Variants in ACP6 observed in about 807,000 individuals in gnomAD.
ACP6 encodes lysophosphatidic acid phosphatase type 6.
ACP6 carries 48 observed loss-of-function variants against 48.1 expected under a neutral mutation model. That is an observed-to-expected ratio of 1.00 (90% CI 0.79 to 1.27). The LOEUF (loss-of-function observed/expected upper bound fraction) is 1.27, where lower values mean the gene tolerates loss of function less well. ACP6 is among the 50% of genes most tolerant of loss of function. The pLI is 0.00. For missense variants in ACP6, 485 were observed against 529.1 expected, an observed-to-expected ratio of 0.92 and a Z score of 0.82; for synonymous variants, 172 against 204.2, an observed-to-expected ratio of 0.84 and a Z score of 1.34.
chr1:147,648,212 T>C (rs782212974), intron 9 of ACP6, 34 bp downstream of exon 9: 1 of 1,610,330 alleles, frequency 6.2e-7, no homozygotes, highest in South Asian at 1.1e-5. Flanking sequence ...GGAGGGTGCC[T>C]CACCACCACC....
chr1:147,647,494 T>C lies in ACP6; in HGVS notation c.1216A>G (p.Thr406Ala). The C allele has an allele frequency of 6.2e-7, 1 of 1,614,140 alleles. No individual in the cohort carries two copies. Among genetic ancestry groups the C allele is most frequent in the Non-Finnish European group, 8.5e-7 (1 of 1,180,016 alleles). ...GCGTGGTATTTTTCTGGGCTTAAGG[T>C]ATAAACTGACATGGCATTCAAGAAC... ...DMFLNAMSVY[T>A]LSPEKYHALC... The change falls in exon 10 of 10, where the codon ACC becomes GCC. Residue 406 changes from threonine (T) to alanine (A), a missense_variant. Physicochemically the swap from Thr to Ala is moderately conservative, Grantham distance 58. Coordinates refer to ENST00000583509, the MANE Select transcript of ACP6 (RefSeq NM_016361.5).
chr1:147,647,900 GC>G, intron 9 of ACP6: 1 of 489,200 alleles, frequency 2.0e-6, no homozygotes, highest in Non-Finnish European at 3.7e-6. Context: ...GGTGCTAACA[GC>G]AGCACACATC....
At chr1:147,657,701 G>A (rs923404035) in intron 4 of ACP6, among the ~76,000 whole-genome samples, 23 of 152,116 alleles carry the variant, frequency 1.5e-4, no homozygotes, top group Non-Finnish European at 8.8e-5. Context: ...TTACAAGCGT[G>A]AACTACTGTG....
At position 147,658,988 on chromosome 1, in the gene ACP6, C is replaced by T. The variant is rs11800736; in HGVS notation, c.531G>A (p.Leu177=). 72,194 of 1,611,320 alleles carry T rather than the reference C, an allele frequency of 0.045. 1,928 individuals carry two copies. The highest frequency in any genetic ancestry group is 0.054 in the Non-Finnish European group (63,740 of 1,178,132). ...CTTTCTGACACTGGAAAAGCCCAGCCAGCAAACAACGGGTGGACTCCAGAT... is the reference window on the plus strand; with the variant it reads ...CTTTCTGACACTGGAAAAGCCCAGCTAGCAAACAACGGGTGGACTCCAGAT... The part of the protein sequence containing the change: ...FRNLESTRCL[L]AGLFQCQKEG... Residue 177 remains leucine, a synonymous_variant, in exon 4 of 10, where the codon CTG becomes CTA. Transcript: ENST00000583509.
intron 6 of ACP6, 43 bp downstream of exon 6, chr1:147,654,151 C>A: frequency 6.2e-7 from 1 of 1,600,992 alleles, no homozygotes; most frequent in Non-Finnish European, 8.5e-7. Flanking sequence ...CGGAGCCAGC[C>A]CACCAAGGCT....
chr1:147,656,380 A>G (rs1570965710), intron 4 of ACP6, among the ~76,000 whole-genome samples: 6 of 152,310 alleles, frequency 3.9e-5, no homozygotes, highest in Admixed American at 3.9e-4. Flanking sequence ...TGATGGCTGC[A>G]AGGTGGAGAT....
At chr1:147,658,872 A>C in intron 4 of ACP6, 88 bp downstream of exon 4, 1 of 1,289,482 alleles carries the variant, frequency 7.8e-7, no homozygotes, top group South Asian at 1.4e-5. Flanking sequence ...AAGTCAAGGG[A>C]ACAGGCACCA....
chr1:147,669,040 C>T (rs76047369), intron 1 of ACP6, among the ~76,000 whole-genome samples: 3,509 of 152,270 alleles, frequency 0.023, 74 homozygotes, highest in African/African-American at 0.054. Context: ...GTTGCCTGTT[C>T]CTCTTCACTA....
At chr1:147,632,493 G>A (rs920789252) in intron 5 of ACP6, among the ~76,000 whole-genome samples, 9 of 152,032 alleles carry the variant, frequency 5.9e-5, no homozygotes, top group Non-Finnish European at 1.2e-4. Context: ...GGGGGTGGAG[G>A]ACACACAGAG....
intron 5 of ACP6, among the ~76,000 whole-genome samples, chr1:147,635,789 G>A (rs1659283387): frequency 1.3e-5 from 2 of 152,244 alleles, no homozygotes; most frequent in South Asian, 4.1e-4. Context: ...CAAGAACTCA[G>A]TCATGAGGGA....
In ACP6 at chr1:147,648,342, G is replaced by A. The variant is rs376211817; in HGVS notation, c.1047C>T (p.Asp349=). 5.2e-5 allele frequency: 84 copies of A among 1,614,002 alleles called. No individual in the cohort carries two copies. The highest frequency in any genetic ancestry group is 7.7e-5 in the South Asian group (7 of 91,088). The change falls in exon 9 of 10, where the codon GAC becomes GAT. Residue 349 remains aspartate, a synonymous_variant. Coordinates refer to ENST00000583509, the MANE Select transcript of ACP6 (RefSeq NM_016361.5). ...IPLLMTLGIF[D]HKWPPFAVDL... The stretch of plus-strand genomic sequence containing the variant: ...CAACAGCAAACGGTGGCCATTTGTG[G>A]TCAAAAATCCCCAGGGTCATTAAGA...
chr1:147,662,977 C>T (rs1391668563), intron 1 of ACP6, among the ~76,000 whole-genome samples: 1 of 152,194 alleles, frequency 6.6e-6, no homozygotes, highest in East Asian at 1.9e-4. Flanking sequence ...GCAAGACCCT[C>T]CACTGGCAAA....
In ACP6 at chr1:147,647,356, C is replaced by A; in HGVS notation, c.*67G>T. On this transcript the variant is annotated 3_prime_UTR_variant, in exon 10 of 10. Transcript: ENST00000583509. ...TTGCTCTCTCCTCTTCCCAAACACA[C>A]AAAGCAGGAGGCATTGTATAAAGGC... 1 of 1,568,842 alleles carries A rather than the reference C, an allele frequency of 6.4e-7. No homozygotes were observed. The highest frequency in any genetic ancestry group is 8.7e-7 in the Non-Finnish European group (1 of 1,150,308).
chr1:147,642,315 A>G lies in ACP6; in HGVS notation c.*5108T>C, dbSNP rs1423041025. The G allele has an allele frequency of 6.6e-6, 1 of 152,178 alleles. No individual in the cohort carries two copies. The highest frequency in any genetic ancestry group is 1.5e-5 in the Non-Finnish European group (1 of 68,048). 9.4% of individuals were successfully genotyped at this position (152,178 alleles called of 1,614,324 possible). A position where few individuals can be genotyped will look rare whatever the true frequency, so the allele number is the denominator to read the frequency against. On this transcript the variant is annotated 3_prime_UTR_variant, in exon 10 of 10. Transcript: ENST00000583509. ...TACAGTCTCTGCACTTGGTTCTAGA[A>G]ATACAATAAAAGACAAGACAAACAA...
rs1160855900 is a variant in ACP6, at chr1:147,645,888, C to G, written c.*1535G>C. 1.3e-5 allele frequency: 2 copies of G among 152,130 alleles called. No homozygotes were observed. Among genetic ancestry groups the G allele is most frequent in the African/African-American group, 4.8e-5 (2 of 41,422 alleles). 9.4% of individuals were successfully genotyped at this position (152,130 alleles called of 1,614,324 possible). On this transcript the variant is annotated 3_prime_UTR_variant, in exon 10 of 10. Transcript: ENST00000583509. ...ATTGGTCAGGAAAAAAATTGACAAT[C>G]CAGAAAAAAGACACTAGGAGTCAAT...
intron 8 of ACP6, among the ~76,000 whole-genome samples, chr1:147,649,069 G>A (rs782789096): frequency 2.0e-5 from 3 of 152,152 alleles, no homozygotes; most frequent in Admixed American, 6.5e-5. Flanking sequence ...AAAATGTACT[G>A]TCATTGCAGG....
At chr1:147,636,273 G>C (rs1221775551) in intron 5 of ACP6, among the ~76,000 whole-genome samples, 3 of 149,798 alleles carry the variant, frequency 2.0e-5, no homozygotes, top group Admixed American at 6.6e-5. Context: ...AATAAGCAAA[G>C]TTTAAGACAA....
At chr1:147,633,244 G>T (rs1240807048) in intron 5 of ACP6, among the ~76,000 whole-genome samples, 2 of 152,104 alleles carry the variant, frequency 1.3e-5, no homozygotes, top group African/African-American at 4.8e-5. Context: ...CAGCCCTTCA[G>T]ATAGTTGAAA....
chr1:147,669,831 T>A lies in ACP6; in HGVS notation c.218A>T (p.Gln73Leu), dbSNP rs1660997275. The part of the protein sequence containing the change: ...SPLKPLPLEE[Q>L]VEWNPQLLEV... ...CCCCAGCCCGGGCCGACCTCTCACC[T>A]GCTCCTCCAGCGGGAGCGGCTTGAG... is the stretch of plus-strand genomic sequence containing the variant. The change falls in exon 1 of 10, where the codon CAG becomes CTG. Residue 73 changes from glutamine (Q) to leucine (L), a missense_variant and splice_region_variant. Transcript: ENST00000583509. 6.3e-7 allele frequency: 1 copy of A among 1,583,624 alleles called. No individual in the cohort carries two copies. The highest frequency in any genetic ancestry group is 2.3e-5 in the East Asian group (1 of 44,030).
Sources: allele counts gnomAD v4.1 joint callset (sites outside exome capture counted in the v4.1 genomes callset), GRCh38; gene constraint gnomAD v4.1.1; transcripts MANE v1.5; gene names NCBI Gene and HGNC (gene_info 2026-07-23, HGNC 2026-07-21).